SDK1: variants seen among roughly 807,000 people sequenced by gnomAD.
SDK1 encodes the protein sidekick cell adhesion molecule 1.
A neutral mutation model predicts 245.5 loss-of-function variants in SDK1; 157 were observed. That is an observed-to-expected ratio of 0.64 (90% CI 0.56 to 0.73). The LOEUF (loss-of-function observed/expected upper bound fraction) is 0.73, where lower values mean the gene tolerates loss of function less well. Among genes scored for constraint, SDK1 ranks in the 30% least tolerant of loss-of-function variants. The probability of loss-of-function intolerance (pLI) is 0.00; values close to 1 mark genes in which losing one functional copy is unlikely to be tolerated. For missense variants in SDK1, 3,583 were observed against 3,002.3 expected (o/e 1.19, Z -4.52); for synonymous variants, 1,647 against 1,278.5 (o/e 1.29, Z -6.15).
At chr7:3,911,570 C>T (rs1779165018) in intron 5 of SDK1, among the ~76,000 whole-genome samples, 1 of 152,192 alleles carries the variant, frequency 6.6e-6, no homozygotes. Flanking sequence ...ATTCTCCTCC[C>T]CAGAGCTCCA....
chr7:4,209,862 C>G (rs971960236), intron 37 of SDK1, among the ~76,000 whole-genome samples, 163 bp from the exon 38 acceptor site: 3 of 152,204 alleles, frequency 2.0e-5, no homozygotes, highest in Admixed American at 6.5e-5. Flanking sequence ...CTCGGAAGTT[C>G]TGAGGTGATC....
chr7:3,670,618 T>G (rs901662432), intron 4 of SDK1, among the ~76,000 whole-genome samples: 1 of 152,162 alleles, frequency 6.6e-6, no homozygotes, highest in Non-Finnish European at 1.5e-5. Context: ...AAGCCCCCAG[T>G]AAATGTTAGA....
At chr7:4,064,345 G>A (rs1478201170) in intron 19 of SDK1, among the ~76,000 whole-genome samples, 1 of 152,038 alleles carries the variant, frequency 6.6e-6, no homozygotes, top group African/African-American at 2.4e-5. Context: ...AATCATCAAG[G>A]AAATGCTAAT....
At chr7:3,947,344 A>G (rs1269000234) in intron 5 of SDK1, among the ~76,000 whole-genome samples, 1 of 152,322 alleles carries the variant, frequency 6.6e-6, no homozygotes, top group Non-Finnish European at 1.5e-5. Flanking sequence ...CCTAGGCACA[A>G]TTACATCTGG....
intron 1 of SDK1, among the ~76,000 whole-genome samples, chr7:3,367,896 C>T (rs1465040059): frequency 6.6e-6 from 1 of 152,140 alleles, no homozygotes; most frequent in Non-Finnish European, 1.5e-5. Flanking sequence ...AAAATGTTTT[C>T]TTTAGAAACT....
At chr7:4,210,608 G>A (rs1035778724) in intron 38 of SDK1, among the ~76,000 whole-genome samples, 2 of 152,082 alleles carry the variant, frequency 1.3e-5, no homozygotes, top group Admixed American at 1.3e-4. Flanking sequence ...TGGCATCCCC[G>A]TGTCTTAGCA....
intron 4 of SDK1, among the ~76,000 whole-genome samples, chr7:3,685,605 G>A (rs1380853053): frequency 6.6e-6 from 1 of 152,154 alleles, no homozygotes; most frequent in East Asian, 1.9e-4. Flanking sequence ...TGCAAAAATT[G>A]TAACTTTATG....
At chr7:3,858,288 A>G (rs1181477481) in intron 5 of SDK1, among the ~76,000 whole-genome samples, 1 of 152,172 alleles carries the variant, frequency 6.6e-6, no homozygotes, top group Non-Finnish European at 1.5e-5. Flanking sequence ...ACCGTGGCAC[A>G]TGCCTGTAAT....
At chr7:3,761,920 C>G (rs1780117359) in intron 4 of SDK1, among the ~76,000 whole-genome samples, 1 of 152,132 alleles carries the variant, frequency 6.6e-6, no homozygotes, top group Non-Finnish European at 1.5e-5. Flanking sequence ...TAAATCCAGC[C>G]TTAGGCAAGA....
intron 2 of SDK1, among the ~76,000 whole-genome samples, chr7:3,621,671 T>G (rs544131842): frequency 6.6e-6 from 1 of 152,324 alleles, no homozygotes; most frequent in South Asian, 2.1e-4. Flanking sequence ...CCACCTGTAA[T>G]AGTGGTTTCT....
chr7:3,502,994 T>C (rs1782267410), intron 1 of SDK1, among the ~76,000 whole-genome samples: 1 of 152,308 alleles, frequency 6.6e-6, no homozygotes, highest in Admixed American at 6.5e-5. Context: ...TGGAATTACT[T>C]ACACTGGTGA....
chr7:3,982,607 G>C (rs1783498541), intron 13 of SDK1, among the ~76,000 whole-genome samples: 1 of 152,130 alleles, frequency 6.6e-6, no homozygotes, highest in South Asian at 2.1e-4. Context: ...TTGGGAGGCT[G>C]AGGTGGGTGG....
intron 1 of SDK1, among the ~76,000 whole-genome samples, chr7:3,507,054 G>A (rs1327746871): frequency 6.6e-6 from 1 of 152,094 alleles, no homozygotes; most frequent in Non-Finnish European, 1.5e-5. Flanking sequence ...GTTTTGTTTG[G>A]TGGGTGAACT....
intron 1 of SDK1, among the ~76,000 whole-genome samples, chr7:3,516,677 A>G (rs1319426126): frequency 6.6e-6 from 1 of 152,146 alleles, no homozygotes; most frequent in Non-Finnish European, 1.5e-5. Flanking sequence ...TTTTGGATGA[A>G]TTATGTGTTT....
At chr7:3,547,542 C>A (rs951297125) in intron 1 of SDK1, among the ~76,000 whole-genome samples, 5 of 152,118 alleles carry the variant, frequency 3.3e-5, no homozygotes, top group African/African-American at 1.2e-4. Flanking sequence ...AGGCCAGTTA[C>A]CACTGTGCAG....
chr7:4,115,775 C>A (rs553664363), intron 25 of SDK1, among the ~76,000 whole-genome samples: 1 of 152,170 alleles, frequency 6.6e-6, no homozygotes, highest in African/African-American at 2.4e-5. Context: ...ACTACAATGC[C>A]GTGCAAAGAG....
intron 5 of SDK1, among the ~76,000 whole-genome samples, chr7:3,842,107 G>A (rs1000570029): frequency 1.3e-5 from 2 of 152,208 alleles, no homozygotes; most frequent in Non-Finnish European, 2.9e-5. Flanking sequence ...TGACATGTTG[G>A]TGGCAGCTAA....
chr7:3,359,426 C>T (rs924756003), intron 1 of SDK1, among the ~76,000 whole-genome samples: 1 of 152,126 alleles, frequency 6.6e-6, no homozygotes, highest in Non-Finnish European at 1.5e-5. Context: ...TGGCCAATAT[C>T]TTAGGGAAGG....
At chr7:3,524,614 A>T (rs895528921) in intron 1 of SDK1, among the ~76,000 whole-genome samples, 18 of 152,124 alleles carry the variant, frequency 1.2e-4, no homozygotes, top group African/African-American at 2.2e-4. Flanking sequence ...GATAACCCCA[A>T]CGTTTTTAGT....
Sources: gnomAD v4.1 joint callset for allele counts (sites outside exome capture counted in the v4.1 genomes callset) on GRCh38, gnomAD v4.1.1 for gene constraint, MANE v1.5 for transcripts, NCBI Gene and HGNC (gene_info 2026-07-23, HGNC 2026-07-21) for gene names.